The following EIF3B variants were observed in gnomAD, a reference collection of about 807,000 sequenced individuals.
The protein encoded by EIF3B is eukaryotic translation initiation factor 3 subunit 9.
Under a neutral mutation model 104.6 loss-of-function variants are expected in EIF3B, and 10 were observed. The observed-to-expected ratio is 0.10, with a 90% CI of 0.06 to 0.16. The LOEUF (loss-of-function observed/expected upper bound fraction) is 0.16, where lower values mean the gene tolerates loss of function less well. EIF3B is among the 10% of genes least tolerant of loss of function. The pLI is 1.00. For missense variants in EIF3B, 1,014 were observed against 1,087.9 expected, an observed-to-expected ratio of 0.93 and a Z score of 0.96; for synonymous variants, 542 against 417.2, an observed-to-expected ratio of 1.30 and a Z score of -3.65.
intron 1 of EIF3B, among the ~76,000 whole-genome samples, chr7:2,357,591 TC>T (rs1205734014): frequency 1.3e-5 from 2 of 152,230 alleles, no homozygotes; most frequent in Non-Finnish European, 2.9e-5. Context: ...TTTCAGCTGA[TC>T]CAGGATTTTA....
chr7:2,364,911 ATACT>A (rs975963025), intron 6 of EIF3B, among the ~76,000 whole-genome samples: 6 of 152,212 alleles, frequency 3.9e-5, no homozygotes, highest in African/African-American at 9.7e-5. Flanking sequence ...GTTCTGTATA[ATACT>A]TACTTTCCTT....
chr7:2,364,175 T>G (rs1325098824), intron 5 of EIF3B, 197 bp from the exon 6 acceptor site: 1 of 530,980 alleles, frequency 1.9e-6, no homozygotes, highest in East Asian at 3.4e-5. Flanking sequence ...GGCAGGAGAA[T>G]GGCATGAACC....
At chr7:2,376,638 G>T (rs545844503) in intron 14 of EIF3B, 2 of 308,666 alleles carry the variant, frequency 6.5e-6, no homozygotes, top group Non-Finnish European at 6.0e-6. Context: ...ATCCAGCACG[G>T]GGTTCAGCGG....
chr7:2,376,309 A>G (rs991162771), intron 14 of EIF3B: 1 of 150,506 alleles, frequency 6.6e-6, no homozygotes, highest in Non-Finnish European at 1.5e-5. Context: ...AGCCTGAGCA[A>G]CATAGCGAAA....
At chr7:2,368,636 T>G (rs1481207091) in intron 9 of EIF3B, among the ~76,000 whole-genome samples, 2 of 152,200 alleles carry the variant, frequency 1.3e-5, no homozygotes, top group Non-Finnish European at 2.9e-5. Flanking sequence ...ATCTAGAAAC[T>G]GAGGAGGGTG....
chr7:2,355,889 C>T (rs1158428490), intron 1 of EIF3B, among the ~76,000 whole-genome samples: 1 of 152,210 alleles, frequency 6.6e-6, no homozygotes, highest in African/African-American at 2.4e-5. Context: ...CCTCCTGCCC[C>T]TCAGAATTGT....
intron 6 of EIF3B, 61 bp from the exon 7 acceptor site, chr7:2,366,256 A>G (rs999950513): frequency 6.6e-7 from 1 of 1,510,454 alleles, no homozygotes; most frequent in Non-Finnish European, 8.9e-7. Flanking sequence ...CTGGCCGCAC[A>G]GACAGACTGT....
intron 1 of EIF3B, among the ~76,000 whole-genome samples, chr7:2,359,522 G>A (rs1052178001): frequency 5.9e-5 from 9 of 152,188 alleles, no homozygotes; most frequent in Non-Finnish European, 7.3e-5. Context: ...GAGGCTCTGC[G>A]CTTCTCCTCC....
chr7:2,374,700 G>C (rs910797424), intron 13 of EIF3B, 94 bp downstream of exon 13: 165 of 1,199,908 alleles, frequency 1.4e-4, no homozygotes, highest in Non-Finnish European at 1.5e-4. Flanking sequence ...TCTTGGTAGA[G>C]AGAGTATTGT....
In EIF3B at chr7:2,380,251, AGT is replaced by A. The variant is rs1459706937; in HGVS notation, c.*66_*67del. On this transcript the variant is annotated 3_prime_UTR_variant, in exon 19 of 19. Coordinates refer to ENST00000360876, the MANE Select transcript of EIF3B (RefSeq NM_001037283.2). Reference sequence around the variant, plus strand: ...CCCGCGCTGAGCTACAGGACTCCCGAGTGTGAGCCGCGGTTCCTCTGTTGCAG... The same window carrying A: ...CCCGCGCTGAGCTACAGGACTCCCGAGTGAGCCGCGGTTCCTCTGTTGCAG... The A allele has an allele frequency of 2.1e-6, 1 of 478,164 alleles. No homozygotes were observed. Among genetic ancestry groups the A allele is most frequent in the Admixed American group, 2.2e-5 (1 of 45,590 alleles). 29.6% of individuals were successfully genotyped at this position (478,164 alleles called of 1,614,324 possible).
rs1056504068 is a variant in EIF3B, at chr7:2,355,477, G to A, written c.499+57G>A. 8 of 1,397,974 alleles carry A rather than the reference G, an allele frequency of 5.7e-6. No individual in the cohort carries two copies. In the East Asian group the frequency reaches 8.7e-5, roughly 15 times the overall value. The allele number at this position is 1,397,974 out of a possible 1,614,324, so 86.6% of individuals were successfully genotyped here. A position where few individuals can be genotyped will look rare whatever the true frequency, so the allele number is the denominator to read the frequency against. On this transcript the variant is annotated intron_variant, in intron 1 of 18. Coordinates refer to ENST00000360876, the MANE Select transcript of EIF3B (RefSeq NM_001037283.2). ...GCGCGGGAGCGTGGCTGGGGTTCCC[G>A]AGGTGGGAGATATCGTCGGGCTGTG... is the stretch of plus-strand genomic sequence containing the variant.
At chr7:2,377,179 A>G (rs2115337223) in intron 15 of EIF3B, 104 bp downstream of exon 15, 1 of 1,423,280 alleles carries the variant, frequency 7.0e-7, no homozygotes, top group Non-Finnish European at 9.3e-7. Flanking sequence ...CTGGGGGATA[A>G]AAACGTGACA....
chr7:2,361,733 TCTAATC>T (rs1779739947), intron 2 of EIF3B, among the ~76,000 whole-genome samples: 1 of 152,110 alleles, frequency 6.6e-6, no homozygotes, highest in African/African-American at 2.4e-5. Context: ...TGAGCTTCTT[TCTAATC>T]TTGCCTGTAA....
rs1415509975 is a variant in EIF3B, at chr7:2,354,933, G to T, written c.12G>T (p.Ala4=). 1 of 1,230,232 alleles carries T rather than the reference G, an allele frequency of 8.1e-7. No homozygotes were observed. Among genetic ancestry groups the T allele is most frequent in the Admixed American group, 3.7e-5 (1 of 26,824 alleles). The allele number at this position is 1,230,232 out of a possible 1,614,324, so 76.2% of individuals were successfully genotyped here. Residue 4 remains alanine (A), a synonymous_variant, in exon 1 of 19, where the codon GCG becomes GCT. Transcript: ENST00000360876. Reference sequence around the variant, plus strand: ...GCAGCGTTGGGCCCATGCAGGACGCGGAGAACGTGGCGGTGCCCGAGGCGG... The same window carrying T: ...GCAGCGTTGGGCCCATGCAGGACGCTGAGAACGTGGCGGTGCCCGAGGCGG... The part of the protein sequence containing the change: MQD[A]ENVAVPEAAE...
intron 14 of EIF3B, chr7:2,376,312 T>C (rs1780627301): frequency 7.5e-6 from 1 of 133,068 alleles, no homozygotes; most frequent in Admixed American, 8.4e-5. Flanking sequence ...CTGAGCAACA[T>C]AGCGAAACCC....
At chr7:2,361,009 T>C (rs1363170196) in intron 2 of EIF3B, 107 bp downstream of exon 2, 1 of 890,332 alleles carries the variant, frequency 1.1e-6, no homozygotes, top group Non-Finnish European at 1.7e-6. Context: ...CCCAGGCACG[T>C]GGGCCGTTCA....
intron 1 of EIF3B, among the ~76,000 whole-genome samples, chr7:2,357,275 C>T (rs1779498511): frequency 6.6e-6 from 1 of 152,212 alleles, no homozygotes; most frequent in Admixed American, 6.5e-5. Context: ...TCAGCGGGCC[C>T]ACGTGGCCCT....
chr7:2,379,710 T>C (rs1445848985), intron 18 of EIF3B, 199 bp downstream of exon 18: 1 of 557,784 alleles, frequency 1.8e-6, no homozygotes, highest in Non-Finnish European at 3.2e-6. Flanking sequence ...TCTGACCACA[T>C]TGCAGATGGC....
chr7:2,355,320 C>T lies in EIF3B; in HGVS notation c.399C>T (p.Gly133=), dbSNP rs775496903. Residue 133 remains glycine, a synonymous_variant, in exon 1 of 19, where the codon GGC becomes GGT. Transcript: ENST00000360876. ...CCGAGGACGCGGGAGGAAACGAGGG[C>T]AGAGCGGCCGAGGCCGAACCCCGGG... ...AVSEDAGGNE[G]RAAEAEPRAL... 53 of 1,540,666 alleles carry T rather than the reference C, an allele frequency of 3.4e-5. No homozygotes were observed. The highest frequency in any genetic ancestry group is 4.3e-5 in the Non-Finnish European group (49 of 1,150,810).
Sources: allele counts gnomAD v4.1 joint callset (sites outside exome capture counted in the v4.1 genomes callset), GRCh38; gene constraint gnomAD v4.1.1; transcripts MANE v1.5; gene names NCBI Gene and HGNC (gene_info 2026-07-23, HGNC 2026-07-21).